GPR176: variants seen among roughly 807,000 people sequenced by gnomAD.
GPR176 encodes the protein G protein-coupled receptor 176.
In GPR176, 26 loss-of-function variants were observed where a neutral mutation model predicts 35.4. The ratio of observed to expected loss-of-function variants is 0.74; its 90% confidence interval spans 0.54 to 1.02. The LOEUF (loss-of-function observed/expected upper bound fraction) is 1.02, where lower values mean the gene tolerates loss of function less well. Ranked by LOEUF, GPR176 falls within the 50% of genes least tolerant of loss-of-function variation. The pLI is 0.00. For synonymous variants in GPR176, 278 were observed against 271.3 expected, an observed-to-expected ratio of 1.02 and a Z score of -0.24; for missense variants, 597 against 665.3, an observed-to-expected ratio of 0.90 and a Z score of 1.13.
chr15:39,836,680 T>C (rs370197496), intron 1 of GPR176, among the ~76,000 whole-genome samples: 22 of 152,090 alleles, frequency 1.4e-4, no homozygotes, highest in African/African-American at 5.1e-4. Flanking sequence ...GAGAGAGACT[T>C]CTAGGGGGAC....
chr15:39,900,240 AG>A (rs1354948266), intron 1 of GPR176, among the ~76,000 whole-genome samples: 2 of 151,796 alleles, frequency 1.3e-5, no homozygotes, highest in Non-Finnish European at 2.9e-5. Context: ...AAAAAAAAAA[AG>A]AAGAAGCCTA....
chr15:39,852,082 G>A (rs1044909039), intron 1 of GPR176, among the ~76,000 whole-genome samples: 7 of 152,084 alleles, frequency 4.6e-5, no homozygotes, highest in East Asian at 1.9e-4. Flanking sequence ...TTTCTTTCAC[G>A]GTCTTATTCT....
rs200562902 is a variant in GPR176 at position 39,904,149 on chromosome 15, T to G, written c.172+15706A>C. On this transcript the variant is annotated intron_variant, in intron 1 of 2. Coordinates refer to ENST00000561100, the MANE Select transcript of GPR176 (RefSeq NM_007223.3). ...TCGTTGTCATCTTGGTTTTGGTGGG[T>G]TTTGGCTGGCTTTTTTACTGCAACC... is the stretch of plus-strand genomic sequence containing the variant. 2.4e-4 allele frequency among the ~76,000 whole-genome samples: 37 copies of G among 152,110 alleles called. No homozygotes were observed. In the East Asian group the frequency reaches 7.0e-3, roughly 29 times the overall value.
intron 1 of GPR176, among the ~76,000 whole-genome samples, chr15:39,819,207 C>T (rs555132670): frequency 6.6e-6 from 1 of 152,358 alleles, no homozygotes; most frequent in Non-Finnish European, 1.5e-5. Flanking sequence ...CGTGCAACAG[C>T]TCACTGTCTT....
At chr15:39,915,812 A>T (rs1039989523) in intron 1 of GPR176, among the ~76,000 whole-genome samples, 1 of 152,164 alleles carries the variant, frequency 6.6e-6, no homozygotes, top group African/African-American at 2.4e-5. Context: ...CCCAGGAGGC[A>T]GAGGTTGCAG....
chr15:39,910,058 C>T (rs564765406), intron 1 of GPR176, among the ~76,000 whole-genome samples: 4 of 152,046 alleles, frequency 2.6e-5, no homozygotes, highest in Admixed American at 6.5e-5. Context: ...TGGAAGTGCA[C>T]GTGTTGTGGG....
At chr15:39,805,781 G>A (rs1267611269) in intron 2 of GPR176, among the ~76,000 whole-genome samples, 2 of 152,192 alleles carry the variant, frequency 1.3e-5, no homozygotes, top group Non-Finnish European at 2.9e-5. Flanking sequence ...GCAAATATTG[G>A]TGCAGCCCAT....
intron 1 of GPR176, among the ~76,000 whole-genome samples, chr15:39,873,633 T>C (rs2032133765): frequency 6.6e-6 from 1 of 151,270 alleles, no homozygotes; most frequent in African/African-American, 2.4e-5. Context: ...TTTTTTTTTT[T>C]TGAGACTAGT....
intron 1 of GPR176, among the ~76,000 whole-genome samples, chr15:39,876,285 A>C (rs1352197232): frequency 6.6e-6 from 1 of 152,202 alleles, no homozygotes. Context: ...ATATATTCAA[A>C]ATTGATAGTA....
chr15:39,875,488 G>A (rs2032208185), intron 1 of GPR176, among the ~76,000 whole-genome samples: 1 of 152,148 alleles, frequency 6.6e-6, no homozygotes, highest in Non-Finnish European at 1.5e-5. Flanking sequence ...AACTGCATAT[G>A]TTCTCACATA....
rs548992093 is a variant in GPR176, at chr15:39,870,116, T to C, written c.172+49739A>G. 3.9e-4 allele frequency among the ~76,000 whole-genome samples: 60 copies of C among 152,246 alleles called. 1 individual carries two copies. The highest frequency in any genetic ancestry group is 6.9e-4 in the Non-Finnish European group (47 of 68,014). Reference sequence around the variant, plus strand: ...CTTCTGAAGGCTGCTCATGATCCCTTCCTCGTGTCATTCCAACTTCCTGCC... The same window carrying C: ...CTTCTGAAGGCTGCTCATGATCCCTCCCTCGTGTCATTCCAACTTCCTGCC... On this transcript the variant is annotated intron_variant, in intron 1 of 2. Transcript: ENST00000561100.
intron 1 of GPR176, among the ~76,000 whole-genome samples, chr15:39,810,309 G>C (rs1161066392): frequency 6.6e-6 from 1 of 152,118 alleles, no homozygotes; most frequent in Non-Finnish European, 1.5e-5. Flanking sequence ...ATACTTAATA[G>C]TCAAAGATAG....
At chr15:39,812,333 A>G (rs1418147524) in intron 1 of GPR176, among the ~76,000 whole-genome samples, 1 of 152,238 alleles carries the variant, frequency 6.6e-6, no homozygotes, top group Non-Finnish European at 1.5e-5. Context: ...CCAGCACGGC[A>G]AGAATAAAAG....
intron 1 of GPR176, among the ~76,000 whole-genome samples, chr15:39,869,678 T>C (rs2031974153): frequency 6.6e-6 from 1 of 152,222 alleles, no homozygotes; most frequent in Non-Finnish European, 1.5e-5. Context: ...TTATTATTTA[T>C]TTTGAACTCT....
At chr15:39,849,202 G>C (rs918853109) in intron 1 of GPR176, among the ~76,000 whole-genome samples, 7 of 152,100 alleles carry the variant, frequency 4.6e-5, no homozygotes, top group Middle Eastern at 3.4e-3. Context: ...ACATAAATTT[G>C]ACTATTCCTT....
intron 1 of GPR176, among the ~76,000 whole-genome samples, chr15:39,842,029 T>C (rs2030030125): frequency 6.6e-6 from 1 of 152,012 alleles, no homozygotes; most frequent in Non-Finnish European, 1.5e-5. Context: ...TAATGATGAG[T>C]GCTATAGTCT....
chr15:39,845,642 G>A (rs1364773475), intron 1 of GPR176, among the ~76,000 whole-genome samples: 1 of 151,966 alleles, frequency 6.6e-6, no homozygotes, highest in Non-Finnish European at 1.5e-5. Flanking sequence ...ATAAGCCAAG[G>A]GCGAAAACCC....
At chr15:39,896,990 G>A (rs953222933) in intron 1 of GPR176, among the ~76,000 whole-genome samples, 3 of 152,148 alleles carry the variant, frequency 2.0e-5, no homozygotes, top group African/African-American at 4.8e-5. Flanking sequence ...TGGTTTCTTC[G>A]TTTGCTGGTA....
At chr15:39,877,544 CTTCTTCTT>C (rs2032297776) in intron 1 of GPR176, among the ~76,000 whole-genome samples, 2 of 51,880 alleles carry the variant, frequency 3.9e-5, no homozygotes, top group African/African-American at 1.5e-4. Flanking sequence ...TCTTCTTCTT[CTTCTTCTT>C]TTTTTTTTTT....
Sources: allele counts gnomAD v4.1 joint callset (sites outside exome capture counted in the v4.1 genomes callset), GRCh38; gene constraint gnomAD v4.1.1; transcripts MANE v1.5; gene names NCBI Gene and HGNC (gene_info 2026-07-23, HGNC 2026-07-21).